KIF26B: variants seen among roughly 807,000 people sequenced by gnomAD.
KIF26B encodes kinesin family member 26B, also known as kinesin-like protein KIF26B.
A neutral mutation model predicts 151.2 loss-of-function variants in KIF26B; 63 were observed. That is an observed-to-expected ratio of 0.42 (90% CI 0.34 to 0.51). The LOEUF (loss-of-function observed/expected upper bound fraction) is 0.51, where lower values mean the gene tolerates loss of function less well. Among genes scored for constraint, KIF26B ranks in the 20% least tolerant of loss-of-function variants. The pLI is 0.07. For missense variants in KIF26B, 2,813 were observed against 2,913.6 expected (o/e 0.97, Z 0.79); for synonymous variants, 1,357 against 1,262.1 (o/e 1.08, Z -1.59).
Position 245,345,020 on chromosome 1 carries a change from G to T in KIF26B, c.466-21814G>T, listed in dbSNP as rs1237366478. Reference sequence around the variant, plus strand: ...GGAGGGTTCCATGGTATCTTCACACGTGGAGATGGCACTACATTCGTATTC... The same window carrying T: ...GGAGGGTTCCATGGTATCTTCACACTTGGAGATGGCACTACATTCGTATTC... On this transcript the variant is annotated intron_variant, in intron 2 of 14. Transcript: ENST00000407071. Among the ~76,000 whole-genome samples, 19 of 152,082 alleles carry T rather than the reference G, an allele frequency of 1.2e-4. 1 individual carries two copies. The highest frequency in any genetic ancestry group is 1.2e-3 in the Admixed American group (19 of 15,268).
At chr1:245,164,070 A>G (rs1668575455) in intron 2 of KIF26B, among the ~76,000 whole-genome samples, 1 of 152,154 alleles carries the variant, frequency 6.6e-6, no homozygotes, top group Non-Finnish European at 1.5e-5. Flanking sequence ...TTTTCTATTA[A>G]GATGTTGGCT....
chr1:245,314,456 A>G (rs1558385654), intron 2 of KIF26B, among the ~76,000 whole-genome samples: 1 of 152,218 alleles, frequency 6.6e-6, no homozygotes, highest in Non-Finnish European at 1.5e-5. Context: ...TGTCTCGAAA[A>G]AAAGAAAAAG....
intron 10 of KIF26B, among the ~76,000 whole-genome samples, chr1:245,682,455 T>TTGAAGACAGAGCCC (rs1558267842): frequency 8.0e-4 from 117 of 146,456 alleles, no homozygotes; most frequent in African/African-American, 2.2e-3. Flanking sequence ...ACTACTCATG[T>TTGAAGACAGAGCCC]AAGACCTGAC....
At chr1:245,470,470 G>A (rs969547044) in intron 4 of KIF26B, among the ~76,000 whole-genome samples, 2 of 150,608 alleles carry the variant, frequency 1.3e-5, no homozygotes, top group Non-Finnish European at 3.0e-5. Context: ...TCACTCTGTC[G>A]CCCAGGCTGG....
At chr1:245,571,402 A>G (rs1449585416) in intron 5 of KIF26B, among the ~76,000 whole-genome samples, 3 of 152,240 alleles carry the variant, frequency 2.0e-5, no homozygotes, top group African/African-American at 7.2e-5. Context: ...GGGGCAGATA[A>G]GTCAGATTTC....
At chr1:245,695,092 G>A (rs1383065021) in intron 12 of KIF26B, among the ~76,000 whole-genome samples, 2 of 152,178 alleles carry the variant, frequency 1.3e-5, no homozygotes, top group Non-Finnish European at 2.9e-5. Context: ...CTGGAAGGAG[G>A]GGATCCCTGG....
intron 4 of KIF26B, among the ~76,000 whole-genome samples, chr1:245,507,037 A>G (rs943758758): frequency 2.0e-4 from 30 of 151,720 alleles, no homozygotes; most frequent in African/African-American, 7.3e-4. Context: ...ACTTCCTCAT[A>G]CCTCCCAGGA....
At chr1:245,658,274 TCTG>T (rs1443103205) in intron 10 of KIF26B, among the ~76,000 whole-genome samples, 5 of 152,160 alleles carry the variant, frequency 3.3e-5, no homozygotes, top group Admixed American at 2.6e-4. Context: ...AAAATATTCT[TCTG>T]TGGGTGGATT....
chr1:245,306,449 G>T (rs117896223), intron 2 of KIF26B, among the ~76,000 whole-genome samples: 62 of 152,236 alleles, frequency 4.1e-4, no homozygotes, highest in East Asian at 2.9e-3. Flanking sequence ...TTCGATGATG[G>T]TTGCACAACC....
Position 245,687,505 on chromosome 1 carries a change from A to T in KIF26B, c.4522A>T (p.Arg1508Trp), listed in dbSNP as rs778038709. The T allele has an allele frequency of 3.2e-6, 5 of 1,578,454 alleles. No homozygotes were observed. Among genetic ancestry groups the T allele is most frequent in the Non-Finnish European group, 4.3e-6 (5 of 1,162,488 alleles). Reference protein sequence around the residue: ...SASPVTDNFRRVVDGCEMALP... With the variant: ...SASPVTDNFRWVVDGCEMALP... ...CTCCCCGGTCACTGACAACTTCAGG[A>T]GGGTCGTGGATGGGTGTGAGATGGC... The change falls in exon 12 of 15, where the codon AGG (arginine) becomes TGG (tryptophan). Residue 1508 changes from arginine (R) to tryptophan (W), a missense_variant. Arg to Trp is a moderately radical substitution (Grantham distance 101). Transcript: ENST00000407071. This position sits in a 1 kb window ranked among gnomAD's most constrained non-coding sequence, Gnocchi z 4.9.
chr1:245,655,407 C>T lies in KIF26B; in HGVS notation c.2258+9127C>T, dbSNP rs909104118. On this transcript the variant is annotated intron_variant, in intron 10 of 14. Coordinates refer to ENST00000407071, the MANE Select transcript of KIF26B (RefSeq NM_018012.4). ...TGTGCATTCCTTGACTTTGAAAGTA[C>T]GCATCTTTTCTTTTGACCAAGTAGA... 6.6e-5 allele frequency among the ~76,000 whole-genome samples: 10 copies of T among 151,786 alleles called. No individual in the cohort carries two copies. In the East Asian group the frequency reaches 9.6e-4, roughly 15 times the overall value.
intron 2 of KIF26B, among the ~76,000 whole-genome samples, chr1:245,260,396 C>A (rs1185502473): frequency 1.3e-5 from 2 of 152,238 alleles, no homozygotes; most frequent in African/African-American, 4.8e-5. Flanking sequence ...TTTCTGCTAA[C>A]TTCCTGGCCC....
At chr1:245,684,811 G>T (rs1401763578) in intron 11 of KIF26B, among the ~76,000 whole-genome samples, 1 of 152,148 alleles carries the variant, frequency 6.6e-6, no homozygotes, top group Non-Finnish European at 1.5e-5. Context: ...CTGCTCTCAG[G>T]GCCCCTCCCC....
chr1:245,280,537 A>AAAAAAAAAAAAAAAAAAAG (rs752454576), intron 2 of KIF26B, among the ~76,000 whole-genome samples: 1 of 123,658 alleles, frequency 8.1e-6, no homozygotes, highest in Non-Finnish European at 1.8e-5. Flanking sequence ...TCTCAAAAAA[A>AAAAAAAAAAAAAAAAAAAG]AAAAGAAAAG....
intron 9 of KIF26B, among the ~76,000 whole-genome samples, chr1:245,621,455 G>T (rs187965457): frequency 1.2e-4 from 19 of 152,142 alleles, no homozygotes; most frequent in African/African-American, 4.6e-4. Context: ...TGGCTCAGGC[G>T]TAGGAGACGT....
At chr1:245,179,849 G>C (rs1488675889) in intron 2 of KIF26B, among the ~76,000 whole-genome samples, 1 of 152,228 alleles carries the variant, frequency 6.6e-6, no homozygotes, top group Non-Finnish European at 1.5e-5. Flanking sequence ...ACAGAGGGTG[G>C]ACAGGATGTT....
rs762214508 is a variant in KIF26B at position 245,460,217 on chromosome 1, C to T, written c.1166+40472C>T. On this transcript the variant is annotated intron_variant, in intron 4 of 14. Transcript: ENST00000407071. ...CTGACCTCAGGTGATCTGCCCACCT[C>T]GGCCTCCCAAAGTGCTGGGATTACA... 7.2e-5 allele frequency among the ~76,000 whole-genome samples: 11 copies of T among 152,294 alleles called. No individual in the cohort carries two copies. The South Asian group carries it at 8.3e-4, about 11-fold the overall frequency.
chr1:245,517,800 G>A (rs989789521), intron 4 of KIF26B, among the ~76,000 whole-genome samples: 1 of 151,996 alleles, frequency 6.6e-6, no homozygotes, highest in African/African-American at 2.4e-5. Flanking sequence ...AAGGGAGGGC[G>A]TTTGGGCAGA....
chr1:245,413,402 C>G (rs1344469312), intron 3 of KIF26B, among the ~76,000 whole-genome samples: 2 of 152,158 alleles, frequency 1.3e-5, no homozygotes, highest in Non-Finnish European at 2.9e-5. Flanking sequence ...GTGGCTCACG[C>G]CTGTAATCCT....
Sources: allele counts gnomAD v4.1 joint callset (sites outside exome capture counted in the v4.1 genomes callset), GRCh38; gene constraint gnomAD v4.1.1; non-coding constraint Gnocchi (gnomAD v3.1); transcripts MANE v1.5; gene names NCBI Gene and HGNC (gene_info 2026-07-23, HGNC 2026-07-21).